ANKRD28: variants seen among roughly 807,000 people sequenced by gnomAD.
The protein encoded by ANKRD28 is ankyrin repeat domain 28.
A neutral mutation model predicts 126.5 loss-of-function variants in ANKRD28; 44 were observed. The ratio of observed to expected loss-of-function variants is 0.35; its 90% CI spans 0.27 to 0.45. ANKRD28 has a LOEUF of 0.45. Among genes scored for constraint, ANKRD28 ranks in the 20% least tolerant of loss-of-function variants. ANKRD28 has a pLI of 1.00. For missense variants in ANKRD28, 1,110 were observed against 1,316.6 expected (o/e 0.84, Z 2.43); for synonymous variants, 442 against 468.5 (o/e 0.94, Z 0.73).
chr3:15,682,733 A>G (rs1430890735), intron 21 of ANKRD28, among the ~76,000 whole-genome samples: 1 of 152,236 alleles, frequency 6.6e-6, no homozygotes, highest in Non-Finnish European at 1.5e-5. Context: ...ATTACTAGTT[A>G]AAGTAAAAAC....
chr3:15,731,263 C>T (rs1213374144), intron 6 of ANKRD28, among the ~76,000 whole-genome samples: 1 of 152,192 alleles, frequency 6.6e-6, no homozygotes, highest in Non-Finnish European at 1.5e-5. Context: ...GGGAGCTCAA[C>T]TACAGGCAAC....
chr3:15,670,391 G>A lies in ANKRD28; in HGVS notation c.3131C>T (p.Ala1044Val). The A allele has an allele frequency of 1.2e-6, 2 of 1,613,944 alleles. No individual in the cohort carries two copies. Among genetic ancestry groups the A allele is most frequent in the Non-Finnish European group, 1.7e-6 (2 of 1,179,852 alleles). Residue 1044 changes from alanine (A) to valine (V), a missense_variant, in exon 28 of 28, where the codon GCT becomes GTT. Transcript: ENST00000683139. ...AGGTTCATTCCTCATGATGGGCAAA[G>A]CTTCAAAGCTGACTGTTTTTGAGGT... ...TNTSKTVSFE[A>V]LPIMRNEPSS...
In ANKRD28 at chr3:15,825,070, G is replaced by A. The variant is rs149806158; in HGVS notation, c.28-29764C>T. Among the ~76,000 whole-genome samples the A allele has an allele frequency of 4.2e-3, 645 of 152,326 alleles. 5 individuals are homozygous for A. The highest frequency in any genetic ancestry group is 0.019 in the East Asian group (100 of 5,182). ...TAGATTTGATATGCTTGGCTTATCT[G>A]TTGTAAAATTTGCGTTACCAGTACT... On this transcript the variant is annotated intron_variant, in intron 1 of 27. Coordinates refer to the ANKRD28 transcript ENST00000399451.
At chr3:15,772,340 A>C (rs756185057) in intron 2 of ANKRD28, among the ~76,000 whole-genome samples, 3 of 152,188 alleles carry the variant, frequency 2.0e-5, no homozygotes, top group African/African-American at 7.2e-5. Context: ...CATAACTAAG[A>C]GGGGATTATC....
rs1485869772 is a variant in ANKRD28, at chr3:15,812,044, T to G, written c.28-16738A>C. ...GGTACGCACCTGTAGTCCCAGCTAC[T>G]CAGGAGGCTGAGGTCGGAGAATCGC... is the stretch of plus-strand genomic sequence containing the variant. On this transcript the variant is annotated intron_variant, in intron 1 of 27. Transcript: ENST00000399451. This position sits in a 1 kb window ranked among gnomAD's most constrained non-coding sequence, Gnocchi z 4.1. Among the ~76,000 whole-genome samples, 2 of 151,926 alleles carry G rather than the reference T, an allele frequency of 1.3e-5. No individual in the cohort carries two copies. Among genetic ancestry groups the G allele is most frequent in the Non-Finnish European group, 2.9e-5 (2 of 67,978 alleles).
intron 8 of ANKRD28, among the ~76,000 whole-genome samples, chr3:15,717,478 T>C (rs1317305287): frequency 6.6e-6 from 1 of 152,112 alleles, no homozygotes; most frequent in Non-Finnish European, 1.5e-5. Flanking sequence ...GAGTTTTCTT[T>C]TTCTTAATCA....
chr3:15,737,900 A>G (rs1575457021), intron 4 of ANKRD28, among the ~76,000 whole-genome samples: 1 of 17,908 alleles, frequency 5.6e-5, no homozygotes. Context: ...CAATTTCATT[A>G]AAAAAAAAAA....
chr3:15,774,389 T>A (rs973942242), intron 2 of ANKRD28, among the ~76,000 whole-genome samples: 2 of 152,066 alleles, frequency 1.3e-5, no homozygotes, highest in Non-Finnish European at 2.9e-5. Flanking sequence ...TCGGAATATA[T>A]AAAGAACTCT....
At chr3:15,684,963 A>AAAGAG in intron 21 of ANKRD28, 1 of 421,446 alleles carries the variant, frequency 2.4e-6, no homozygotes, top group Non-Finnish European at 4.3e-6. Context: ...ACCAAAACTA[A>AAAGAG]AAAAGAAAAG....
In ANKRD28 at chr3:15,686,227, A is replaced by G; in HGVS notation, c.2046T>C (p.Asn682=). ...PQNAVDIQDG[N]GQTPLMLSVL... is the part of the protein sequence containing the mutation. Reference sequence around the variant, plus strand: ...AATTATTTATCGAAACTTACTGTCCATTTCCATCTTGAATATCCACTGCAT... The same window carrying G: ...AATTATTTATCGAAACTTACTGTCCGTTTCCATCTTGAATATCCACTGCAT... The change falls in exon 19 of 28, where the codon AAT becomes AAC. Residue 682 remains asparagine, a synonymous_variant. Transcript: ENST00000683139. 1 of 1,591,416 alleles carries G rather than the reference A, an allele frequency of 6.3e-7. No homozygotes were observed. The highest frequency in any genetic ancestry group is 8.6e-7 in the Non-Finnish European group (1 of 1,167,524).
chr3:15,829,267 CA>C (rs2061137104), intron 1 of ANKRD28, among the ~76,000 whole-genome samples: 1 of 152,028 alleles, frequency 6.6e-6, no homozygotes, highest in Admixed American at 6.6e-5. Context: ...TAGCACTGTT[CA>C]TGTCTGGCTT....
chr3:15,675,598 A>C (rs538529123), intron 27 of ANKRD28, among the ~76,000 whole-genome samples: 2 of 151,104 alleles, frequency 1.3e-5, no homozygotes, highest in South Asian at 4.2e-4. Flanking sequence ...CTTAACTAGG[A>C]TCTTGATACA....
Position 15,670,359 on chromosome 3 carries a change from A to G in ANKRD28, c.3163T>C (p.Tyr1055His). ...CCTCCAATGTTATTGAAACTGCAAT[A>G]GGAGCTAGGTTCATTCCTCATGATG... Reference protein sequence around the residue: ...LPIMRNEPSSYCSFNNIGGEQ... With the variant: ...LPIMRNEPSSHCSFNNIGGEQ... Residue 1055 changes from tyrosine to histidine, a missense_variant, in exon 28 of 28, where the codon TAT becomes CAT. Coordinates refer to ENST00000683139, the MANE Select transcript of ANKRD28 (RefSeq NM_001349278.2). 5 of 1,614,010 alleles carry G rather than the reference A, an allele frequency of 3.1e-6. No individual in the cohort carries two copies. The highest frequency in any genetic ancestry group is 4.2e-6 in the Non-Finnish European group (5 of 1,179,852).
rs368168267 is a variant in ANKRD28 at position 15,735,403 on chromosome 3, T to C, written c.640+7A>G. 1.3e-6 allele frequency: 2 copies of C among 1,542,632 alleles called. No individual in the cohort carries two copies. The highest frequency in any genetic ancestry group is 1.8e-6 in the Non-Finnish European group (2 of 1,142,146). On this transcript the variant is annotated splice_region_variant and intron_variant, in intron 6 of 27. Coordinates refer to ENST00000683139, the MANE Select transcript of ANKRD28 (RefSeq NM_001349278.2). ...AATATCAAAAACTAAATTTAAAAAG[T>C]ACATACCCATATATGCTGCCCAATG... is the stretch of plus-strand genomic sequence containing the variant.
intron 2 of ANKRD28, among the ~76,000 whole-genome samples, chr3:15,776,027 T>C (rs1351076899): frequency 6.6e-6 from 1 of 152,152 alleles, no homozygotes; most frequent in East Asian, 1.9e-4. Flanking sequence ...ATAGCTCAGA[T>C]AGCACCTCAT....
rs536262262 is a variant in ANKRD28, at chr3:15,830,885, A to G, written c.27+28492T>C. On this transcript the variant is annotated intron_variant, in intron 1 of 27. Transcript: ENST00000399451. This position sits in a 1 kb window ranked among gnomAD's most constrained non-coding sequence, Gnocchi z 4.5. ...CTAACATCAGCCACAGGTGTGGTCA[A>G]CCATACCTATGTGACTGACTTCTCA... Among the ~76,000 whole-genome samples, 108 of 152,140 alleles carry G rather than the reference A, an allele frequency of 7.1e-4. No individual in the cohort carries two copies. The highest frequency in any genetic ancestry group is 2.6e-3 in the African/African-American group (106 of 41,488).
At chr3:15,857,388 G>A (rs747226383) in intron 1 of ANKRD28, among the ~76,000 whole-genome samples, 6 of 152,138 alleles carry the variant, frequency 3.9e-5, no homozygotes, top group Non-Finnish European at 8.8e-5. Flanking sequence ...GGGTTCAATC[G>A]ATTCTCCTGT....
At chr3:15,722,288 T>A (rs1294789003) in intron 7 of ANKRD28, among the ~76,000 whole-genome samples, 1 of 152,240 alleles carries the variant, frequency 6.6e-6, no homozygotes. Context: ...GGAGCCCCAA[T>A]AAAAACCGAA....
intron 1 of ANKRD28, among the ~76,000 whole-genome samples, chr3:15,803,456 A>C (rs2060505537): frequency 6.6e-6 from 1 of 152,076 alleles, no homozygotes; most frequent in African/African-American, 2.4e-5. Context: ...GTCTCTATTA[A>C]AAATACAAAA....
Sources: gnomAD v4.1 joint callset for allele counts (sites outside exome capture counted in the v4.1 genomes callset) on GRCh38, gnomAD v4.1.1 for gene constraint, Gnocchi (gnomAD v3.1) non-coding constraint, MANE v1.5 for transcripts, NCBI Gene and HGNC (gene_info 2026-07-23, HGNC 2026-07-21) for gene names.